Variants in CREB3L2 observed in about 807,000 individuals in gnomAD.
The protein encoded by CREB3L2 is cAMP responsive element binding protein 3 like 2, also known as cyclic AMP-responsive element-binding protein 3-like protein 2.
CREB3L2 carries 23 observed loss-of-function variants against 57.2 expected under a neutral mutation model. The observed-to-expected ratio is 0.40, with a 90% confidence interval of 0.29 to 0.57. The LOEUF (loss-of-function observed/expected upper bound fraction) is 0.57, where lower values mean the gene tolerates loss of function less well. Ranked by LOEUF, CREB3L2 falls within the 20% of genes least tolerant of loss-of-function variation. The pLI is 0.42. For synonymous variants in CREB3L2, 268 were observed against 265.1 expected, an observed-to-expected ratio of 1.01 and a Z score of -0.11; for missense variants, 628 against 634.7, an observed-to-expected ratio of 0.99 and a Z score of 0.11.
At chr7:137,906,796 G>A (rs1331512561) in intron 5 of CREB3L2, among the ~76,000 whole-genome samples, 1 of 152,170 alleles carries the variant, frequency 6.6e-6, no homozygotes, top group Non-Finnish European at 1.5e-5. Context: ...AACAGGAGTT[G>A]CACTGCACAA....
chr7:137,922,477 T>TAC (rs1800349719), intron 2 of CREB3L2: 1 of 162,634 alleles, frequency 6.1e-6, no homozygotes, highest in African/African-American at 3.9e-5. Flanking sequence ...TATACACACA[T>TAC]ATATATATAC....
intron 1 of CREB3L2, among the ~76,000 whole-genome samples, chr7:137,979,048 G>T (rs1801664061): frequency 6.6e-6 from 1 of 152,166 alleles, no homozygotes; most frequent in East Asian, 1.9e-4. Flanking sequence ...CTGGGAAAAA[G>T]AAATTTCAAA....
At chr7:137,916,787 TGAGAGC>T (rs551289499) in intron 2 of CREB3L2, among the ~76,000 whole-genome samples, 125 of 147,902 alleles carry the variant, frequency 8.5e-4, no homozygotes, top group Non-Finnish European at 1.3e-3. Flanking sequence ...AGAGTGAGAG[TGAGAGC>T]GAGAGCGAGA....
At chr7:137,953,131 T>G (rs2117273997) in intron 1 of CREB3L2, among the ~76,000 whole-genome samples, 1 of 152,348 alleles carries the variant, frequency 6.6e-6, no homozygotes, top group East Asian at 1.9e-4. Flanking sequence ...TAAGAATATT[T>G]CAATCACTTA....
intron 2 of CREB3L2, among the ~76,000 whole-genome samples, chr7:137,925,922 C>A (rs1800444427): frequency 6.6e-6 from 1 of 152,224 alleles, no homozygotes; most frequent in Admixed American, 6.5e-5. Context: ...ACCCACTGTA[C>A]CTGTTCTCAG....
chr7:137,913,402 G>A (rs1455350050), intron 3 of CREB3L2, among the ~76,000 whole-genome samples: 1 of 151,682 alleles, frequency 6.6e-6, no homozygotes, highest in Non-Finnish European at 1.5e-5. Context: ...AGCTACTTGG[G>A]AGGCTGAGGC....
At chr7:137,960,877 G>C (rs373736325) in intron 1 of CREB3L2, among the ~76,000 whole-genome samples, 37 of 131,870 alleles carry the variant, frequency 2.8e-4, no homozygotes, top group Middle Eastern at 8.5e-3. Context: ...GCAATGGCAC[G>C]ATCTCAGCTC....
At chr7:137,958,094 G>C (rs1003744975) in intron 1 of CREB3L2, 11 of 241,182 alleles carry the variant, frequency 4.6e-5, no homozygotes, top group Non-Finnish European at 5.0e-5. Flanking sequence ...GAAACAGGCA[G>C]CTCCCTGACT....
intron 1 of CREB3L2, among the ~76,000 whole-genome samples, chr7:137,947,302 C>T (rs993925821): frequency 4.6e-5 from 7 of 152,010 alleles, no homozygotes; most frequent in Admixed American, 6.6e-5. Flanking sequence ...GCTCAACACC[C>T]GTAGCAAGAG....
intron 8 of CREB3L2, among the ~76,000 whole-genome samples, chr7:137,887,406 T>C (rs138657006): frequency 2.4e-3 from 372 of 152,308 alleles, no homozygotes; most frequent in African/African-American, 8.6e-3. Context: ...AGATGCTTTC[T>C]GGACTCAAAA....
At chr7:137,959,839 T>C (rs1801287854) in intron 1 of CREB3L2, among the ~76,000 whole-genome samples, 1 of 152,250 alleles carries the variant, frequency 6.6e-6, no homozygotes, top group Admixed American at 6.5e-5. Context: ...TGTAAGGTAA[T>C]GTAATTACTG....
chr7:137,969,340 C>CTTTT (rs71177936), intron 1 of CREB3L2, among the ~76,000 whole-genome samples: 69 of 77,070 alleles, frequency 9.0e-4, no homozygotes, highest in Middle Eastern at 8.3e-3. Context: ...TTATGATCTT[C>CTTTT]TTTTTTTTTT....
intron 1 of CREB3L2, among the ~76,000 whole-genome samples, chr7:137,960,314 G>A (rs960058122): frequency 1.6e-4 from 25 of 152,064 alleles, no homozygotes; most frequent in Admixed American, 2.6e-4. Context: ...TGCTAAGTTC[G>A]TAACATAGAC....
intron 1 of CREB3L2, among the ~76,000 whole-genome samples, chr7:137,982,041 TG>T (rs1360977426): frequency 3.3e-5 from 5 of 151,688 alleles, no homozygotes; most frequent in Non-Finnish European, 5.9e-5. Context: ...CACAATGAGG[TG>T]GGGGGTATGC....
At chr7:137,908,147 AAAGT>A in intron 5 of CREB3L2, 101 bp downstream of exon 5, 1 of 841,064 alleles carries the variant, frequency 1.2e-6, no homozygotes, top group Non-Finnish European at 1.6e-6. Flanking sequence ...CTTCTTGACA[AAAGT>A]AAAAACCAAA....
At chr7:137,956,722 G>C in intron 1 of CREB3L2, 2 of 1,054,810 alleles carry the variant, frequency 1.9e-6, no homozygotes, top group South Asian at 2.6e-5. Context: ...TCCAGGTTCT[G>C]AATTCTTTGA....
chr7:137,893,769 T>C (rs1467605123), intron 8 of CREB3L2, among the ~76,000 whole-genome samples: 1 of 152,210 alleles, frequency 6.6e-6, no homozygotes, highest in Non-Finnish European at 1.5e-5. Flanking sequence ...TAAGGAATTT[T>C]ATTTCTGATA....
rs1023253403 is a variant in CREB3L2, at chr7:137,878,888, A to G, written c.*1588T>C. On this transcript the variant is annotated 3_prime_UTR_variant, in exon 12 of 12. Coordinates refer to ENST00000330387, the MANE Select transcript of CREB3L2 (RefSeq NM_194071.4). ...TTAATCCCTCTAAGTACAGGCTCCAATAACAATGCAGATGACGTGTGTGGG... is the reference window on the plus strand; with the variant it reads ...TTAATCCCTCTAAGTACAGGCTCCAGTAACAATGCAGATGACGTGTGTGGG... 54 of 376,010 alleles carry G rather than the reference A, an allele frequency of 1.4e-4. No individual in the cohort carries two copies. Among genetic ancestry groups the G allele is most frequent in the Non-Finnish European group, 2.5e-4 (51 of 201,358 alleles). The allele number at this position is 376,010 out of a possible 1,614,324, so 23.3% of individuals were successfully genotyped here.
intron 1 of CREB3L2, among the ~76,000 whole-genome samples, chr7:137,971,133 T>C (rs988152251): frequency 3.3e-5 from 5 of 152,046 alleles, no homozygotes; most frequent in African/African-American, 9.7e-5. Context: ...GCCTACTTAT[T>C]TCCAGAGTCA....
Sources: gnomAD v4.1 joint callset for allele counts (sites outside exome capture counted in the v4.1 genomes callset) on GRCh38, gnomAD v4.1.1 for gene constraint, MANE v1.5 for transcripts, NCBI Gene and HGNC (gene_info 2026-07-23, HGNC 2026-07-21) for gene names.